Variants in TAFA5 observed in about 807,000 individuals in gnomAD.
TAFA5 encodes the protein TAFA chemokine like family member 5.
A neutral mutation model predicts 15.3 loss-of-function variants in TAFA5; 6 were observed. The observed-to-expected ratio is 0.39, with a 90% confidence interval of 0.21 to 0.77. The LOEUF (loss-of-function observed/expected upper bound fraction) is 0.77, where lower values mean the gene tolerates loss of function less well. TAFA5 is among the 30% of genes least tolerant of loss of function. TAFA5 has a pLI of 0.41. For missense variants in TAFA5, 161 were observed against 193.1 expected (o/e 0.83, Z 0.98); for synonymous variants, 103 against 80.7 (o/e 1.28, Z -1.48).
At chr22:48,619,220 C>T (rs978304988) in intron 1 of TAFA5, among the ~76,000 whole-genome samples, 7 of 152,148 alleles carry the variant, frequency 4.6e-5, no homozygotes, top group African/African-American at 1.4e-4. Flanking sequence ...AGAGCCTGGC[C>T]TTCTTGCCTT....
At chr22:48,501,208 G>A (rs1920949783) in intron 1 of TAFA5, among the ~76,000 whole-genome samples, 1 of 152,224 alleles carries the variant, frequency 6.6e-6, no homozygotes, top group East Asian at 1.9e-4. Flanking sequence ...GCCTTGAGGA[G>A]CTGTGGCCTG....
At chr22:48,640,113 C>T (rs1000275290) in intron 1 of TAFA5, among the ~76,000 whole-genome samples, 2 of 152,202 alleles carry the variant, frequency 1.3e-5, no homozygotes, top group Non-Finnish European at 2.9e-5. Context: ...CAGATGGGGC[C>T]GGCGCCAGGC....
At chr22:48,707,172 C>CGG in intron 2 of TAFA5, among the ~76,000 whole-genome samples, 1 of 141,702 alleles carries the variant, frequency 7.1e-6, no homozygotes, top group African/African-American at 2.5e-5. Flanking sequence ...TGAGACGAGG[C>CGG]GGGAGTAGGA....
intron 2 of TAFA5, among the ~76,000 whole-genome samples, chr22:48,670,373 A>C (rs141341482): frequency 1.3e-5 from 2 of 152,364 alleles, no homozygotes; most frequent in African/African-American, 4.8e-5. Flanking sequence ...TTGCTGGACC[A>C]AGGCGCGGAG....
intron 1 of TAFA5, among the ~76,000 whole-genome samples, chr22:48,593,390 CGATGTGAA>C (rs1924644938): frequency 1.3e-5 from 2 of 151,958 alleles, no homozygotes. Context: ...TGATGGTGAC[CGATGTGAA>C]GGGGACGTGT....
At chr22:48,521,781 G>T (rs1036797565) in intron 1 of TAFA5, among the ~76,000 whole-genome samples, 1 of 152,114 alleles carries the variant, frequency 6.6e-6, no homozygotes, top group Non-Finnish European at 1.5e-5. Flanking sequence ...TTAAAGCATC[G>T]TGCTCATCTG....
At chr22:48,651,513 C>T (rs146291090) in intron 2 of TAFA5, among the ~76,000 whole-genome samples, 63 of 152,154 alleles carry the variant, frequency 4.1e-4, no homozygotes, top group African/African-American at 1.4e-3. Flanking sequence ...AGAAAACAGG[C>T]AGGTGGGCAC....
chr22:48,624,725 C>T (rs2092859), intron 1 of TAFA5, among the ~76,000 whole-genome samples: 121,948 of 152,116 alleles, frequency 0.8, 49,395 homozygotes, highest in East Asian at 0.93. Flanking sequence ...CTGGCTCATC[C>T]TGTCTAGCTC....
chr22:48,506,457 A>C (rs1920999747), intron 1 of TAFA5, among the ~76,000 whole-genome samples: 1 of 152,190 alleles, frequency 6.6e-6, no homozygotes, highest in Non-Finnish European at 1.5e-5. Flanking sequence ...TAGTGTGACA[A>C]AAACGCGGCA....
At chr22:48,493,932 G>A (rs1207456732) in intron 1 of TAFA5, among the ~76,000 whole-genome samples, 1 of 152,148 alleles carries the variant, frequency 6.6e-6, no homozygotes, top group Non-Finnish European at 1.5e-5. Flanking sequence ...TTCCACCCCT[G>A]CTCTTTCACT....
At chr22:48,605,150 G>A (rs1035248878) in intron 1 of TAFA5, among the ~76,000 whole-genome samples, 2 of 38,926 alleles carry the variant, frequency 5.1e-5, no homozygotes, top group African/African-American at 9.4e-5. Context: ...GGTGATGATG[G>A]TTATGGTGGT....
intron 1 of TAFA5, among the ~76,000 whole-genome samples, chr22:48,623,298 C>T (rs1203815765): frequency 1.7e-5 from 2 of 114,596 alleles, no homozygotes; most frequent in African/African-American, 3.5e-5. Context: ...TGGCCCTGCG[C>T]GGTGACCTGT....
intron 1 of TAFA5, among the ~76,000 whole-genome samples, chr22:48,515,446 G>T (rs133505): frequency 0.95 from 144,071 of 152,194 alleles, 68,310 homozygotes; most frequent in Middle Eastern, 0.99. Context: ...TCACCTTCAC[G>T]GCACCCCTCT....
intron 1 of TAFA5, among the ~76,000 whole-genome samples, chr22:48,546,022 C>T (rs1388283567): frequency 6.6e-6 from 1 of 152,222 alleles, no homozygotes; most frequent in Admixed American, 6.5e-5. Context: ...CCAGGCCCGT[C>T]GCTGGGCGGG....
chr22:48,540,650 G>A (rs1190159131), intron 1 of TAFA5, among the ~76,000 whole-genome samples: 4 of 147,930 alleles, frequency 2.7e-5, no homozygotes, highest in South Asian at 2.1e-4. Flanking sequence ...TCCAAGCCTC[G>A]CTTCCTTTTC....
At chr22:48,661,536 C>T (rs148768491) in intron 2 of TAFA5, among the ~76,000 whole-genome samples, 20 of 152,316 alleles carry the variant, frequency 1.3e-4, no homozygotes, top group African/African-American at 3.1e-4. Context: ...ACATTCTGCT[C>T]ATCTCCCTGG....
chr22:48,507,117 C>CAACT (rs1569161974), intron 1 of TAFA5, among the ~76,000 whole-genome samples: 5 of 151,970 alleles, frequency 3.3e-5, no homozygotes, highest in East Asian at 3.9e-4. Context: ...AGGAGGTGGC[C>CAACT]GCCAAGGGCC....
chr22:48,634,706 C>A (rs1490346176), intron 1 of TAFA5, among the ~76,000 whole-genome samples: 1 of 152,210 alleles, frequency 6.6e-6, no homozygotes, highest in African/African-American at 2.4e-5. Flanking sequence ...GTCATTCATT[C>A]ATTCACCCTC....
At chr22:48,525,089 C>T (rs1921733849) in intron 1 of TAFA5, among the ~76,000 whole-genome samples, 2 of 152,178 alleles carry the variant, frequency 1.3e-5, no homozygotes, top group Admixed American at 6.5e-5. Flanking sequence ...TTACCAGAAC[C>T]CTTGTGATGA....
Sources: allele counts gnomAD v4.1 joint callset (sites outside exome capture counted in the v4.1 genomes callset), GRCh38; gene constraint gnomAD v4.1.1; transcripts MANE v1.5; gene names NCBI Gene and HGNC (gene_info 2026-07-23, HGNC 2026-07-21).